Variants in ASAP1 observed in about 807,000 individuals in gnomAD.
ASAP1 encodes ArfGAP with SH3 domain, ankyrin repeat and PH domain 1.
ASAP1 carries 43 observed loss-of-function variants against 145.2 expected under a neutral mutation model. That is an observed-to-expected ratio of 0.30 (90% CI 0.23 to 0.38). ASAP1 has a LOEUF of 0.38. ASAP1 is among the 10% of genes least tolerant of loss of function. ASAP1 has a pLI of 1.00. For missense variants in ASAP1, 1,018 were observed against 1,355.3 expected, an observed-to-expected ratio of 0.75 and a Z score of 3.91; for synonymous variants, 546 against 515.5, an observed-to-expected ratio of 1.06 and a Z score of -0.80.
chr8:130,204,324 C>T (rs1477197429), intron 5 of ASAP1, among the ~76,000 whole-genome samples: 2 of 152,160 alleles, frequency 1.3e-5, no homozygotes, highest in Non-Finnish European at 2.9e-5. Flanking sequence ...TCCACAAAAC[C>T]GGTCCCTGGT....
chr8:130,091,023 C>T (rs907579191), intron 25 of ASAP1, among the ~76,000 whole-genome samples: 1 of 152,218 alleles, frequency 6.6e-6, no homozygotes, highest in African/African-American at 2.4e-5. Flanking sequence ...GGGGTGACCC[C>T]TAAGTCGCTA....
At chr8:130,405,296 A>G (rs1423222753) in intron 1 of ASAP1, among the ~76,000 whole-genome samples, 1 of 152,206 alleles carries the variant, frequency 6.6e-6, no homozygotes, top group South Asian at 2.1e-4. Flanking sequence ...ATAACTCACA[A>G]GATATGAAAT....
At chr8:130,270,994 C>T (rs1025084116) in intron 3 of ASAP1, among the ~76,000 whole-genome samples, 5 of 152,194 alleles carry the variant, frequency 3.3e-5, no homozygotes, top group African/African-American at 1.2e-4. Flanking sequence ...CCAAACAAAT[C>T]ACACTGGGGG....
chr8:130,234,108 C>T (rs1020323832), intron 4 of ASAP1, among the ~76,000 whole-genome samples: 10 of 152,138 alleles, frequency 6.6e-5, no homozygotes, highest in Admixed American at 5.2e-4. Flanking sequence ...TTATCTACTC[C>T]AAGAGAGATG....
intron 2 of ASAP1, among the ~76,000 whole-genome samples, chr8:130,380,166 A>T (rs1827700656): frequency 6.6e-6 from 1 of 152,212 alleles, no homozygotes; most frequent in South Asian, 2.1e-4. Flanking sequence ...TTGGGAAGTG[A>T]TCCCAACTAG....
intron 5 of ASAP1, among the ~76,000 whole-genome samples, chr8:130,198,763 C>G (rs1217366614): frequency 2.0e-5 from 3 of 152,204 alleles, no homozygotes; most frequent in Non-Finnish European, 4.4e-5. Flanking sequence ...TTTTTACTGA[C>G]TCCAAAGGCC....
At chr8:130,107,285 C>T (rs988212118) in intron 24 of ASAP1, among the ~76,000 whole-genome samples, 1 of 150,464 alleles carries the variant, frequency 6.6e-6, no homozygotes, top group Non-Finnish European at 1.5e-5. Context: ...CGGGTTCACG[C>T]CATTCTCCTG....
intron 3 of ASAP1, among the ~76,000 whole-genome samples, chr8:130,340,546 C>CA (rs1361843034): frequency 6.6e-6 from 1 of 152,100 alleles, no homozygotes; most frequent in Non-Finnish European, 1.5e-5. Context: ...CTCTTGTACC[C>CA]AATGCATAAA....
intron 7 of ASAP1, among the ~76,000 whole-genome samples, chr8:130,184,417 G>C (rs1360254160): frequency 6.6e-6 from 1 of 152,192 alleles, no homozygotes; most frequent in Admixed American, 6.5e-5. Flanking sequence ...GGACTAACAG[G>C]ATCAAGAGGG....
At chr8:130,250,731 T>C (rs1819141477) in intron 3 of ASAP1, among the ~76,000 whole-genome samples, 1 of 151,636 alleles carries the variant, frequency 6.6e-6, no homozygotes, top group African/African-American at 2.4e-5. Context: ...AACTGAAGAA[T>C]TGCTTCTCAT....
In ASAP1 at chr8:130,401,988, CA is replaced by C. The variant is rs1828818790; in HGVS notation, c.-27-19del. The C allele has an allele frequency of 1.2e-5, 18 of 1,545,310 alleles. No homozygotes were observed. In the East Asian group the frequency reaches 3.4e-4, roughly 29 times the overall value. ...AAAACGACCTGGATAGGGGGCAGGA[CA>C]AAAAGGGGACAAGAGTCATCCGGTG... On this transcript the variant is annotated intron_variant, in intron 1 of 29. Coordinates refer to ENST00000518721, the MANE Select transcript of ASAP1 (RefSeq NM_018482.4).
intron 12 of ASAP1, among the ~76,000 whole-genome samples, chr8:130,154,147 T>G (rs748260684): frequency 6.6e-6 from 1 of 152,186 alleles, no homozygotes; most frequent in Non-Finnish European, 1.5e-5. Flanking sequence ...GAATGCATCA[T>G]CATTTTTGGT....
chr8:130,419,056 AGCCAGGGCAGGGACCCTTCCTGGAG>A lies in ASAP1; in HGVS notation c.-27-17111_-27-17087del, dbSNP rs540571718. Among the ~76,000 whole-genome samples, 12 of 152,312 alleles carry A rather than the reference AGCCAGGGCAGGGACCCTTCCTGGAG, an allele frequency of 7.9e-5. No homozygotes were observed. In the East Asian group the frequency reaches 2.3e-3, roughly 29 times the overall value. On this transcript the variant is annotated intron_variant, in intron 1 of 29. Transcript: ENST00000518721. ...CCGAACATGGCACATCAGGCCCTGCAGCCAGGGCAGGGACCCTTCCTGGAGGCCAGGGTCCCGCACGCATTGTCTC... is the reference window on the plus strand; with the variant it reads ...CCGAACATGGCACATCAGGCCCTGCAGCCAGGGTCCCGCACGCATTGTCTC...
At chr8:130,081,154 G>GAGGGAGT (rs1482726837) in intron 25 of ASAP1, among the ~76,000 whole-genome samples, 1 of 152,246 alleles carries the variant, frequency 6.6e-6, no homozygotes, top group African/African-American at 2.4e-5. Context: ...GAGTGGGGAA[G>GAGGGAGT]AGGGAGTAGG....
At chr8:130,062,806 T>C (rs1193527728) in intron 27 of ASAP1, among the ~76,000 whole-genome samples, 2 of 152,140 alleles carry the variant, frequency 1.3e-5, no homozygotes, top group Non-Finnish European at 2.9e-5. Context: ...CAGGGGATTG[T>C]ATGGACAATA....
At chr8:130,081,563 G>C (rs924687727) in intron 25 of ASAP1, among the ~76,000 whole-genome samples, 12 of 142,906 alleles carry the variant, frequency 8.4e-5, no homozygotes, top group African/African-American at 2.9e-4. Flanking sequence ...CTGAGCACCA[G>C]GAGGGCAGAT....
chr8:130,079,972 C>CTTG lies in ASAP1; in HGVS notation c.2573-2_2573-1insCAA. On this transcript the variant is annotated splice_acceptor_variant, in intron 25 of 29. Transcript: ENST00000518721. LOFTEE classifies it high-confidence loss of function. ...GAAGAGGATGGACCCCCATCGTTAC[C>CTTG]TACAAGGAAAACCGAAGGTGAAAAG... The CTTG allele has an allele frequency of 4.3e-6, 7 of 1,613,836 alleles. No homozygotes were observed. The highest frequency in any genetic ancestry group is 5.1e-6 in the Non-Finnish European group (6 of 1,179,754).
chr8:130,077,304 C>T (rs986864643), intron 26 of ASAP1, among the ~76,000 whole-genome samples: 33 of 152,182 alleles, frequency 2.2e-4, no homozygotes, highest in African/African-American at 3.6e-4. Context: ...AATCATCAAA[C>T]GTTAACCTCT....
intron 5 of ASAP1, among the ~76,000 whole-genome samples, chr8:130,213,624 C>T (rs1044309801): frequency 1.3e-5 from 2 of 152,190 alleles, no homozygotes; most frequent in African/African-American, 4.8e-5. Flanking sequence ...GAGGGAACAG[C>T]TCCTCTTCTC....
Sources: gnomAD v4.1 joint callset for allele counts (sites outside exome capture counted in the v4.1 genomes callset) on GRCh38, gnomAD v4.1.1 for gene constraint, MANE v1.5 for transcripts, NCBI Gene and HGNC (gene_info 2026-07-23, HGNC 2026-07-21) for gene names.